Variants in SLC13A4 observed in about 807,000 individuals in gnomAD.
SLC13A4 encodes Na(+)/sulfate cotransporter SUT-1.
SLC13A4 carries 28 observed loss-of-function variants against 72.7 expected under a neutral mutation model. The ratio of observed to expected loss-of-function variants is 0.39; its 90% CI spans 0.29 to 0.53. The LOEUF is 0.53. Ranked by LOEUF, SLC13A4 falls within the 20% of genes least tolerant of loss-of-function variation. The pLI is 0.78. For synonymous variants in SLC13A4, 312 were observed against 325.5 expected (o/e 0.96, Z 0.45); for missense variants, 653 against 788.0 (o/e 0.83, Z 2.05).
rs368015428 is a variant in SLC13A4, at chr7:135,702,825, G to C, written c.633+20C>G. 4 of 1,611,050 alleles carry C rather than the reference G, an allele frequency of 2.5e-6. No homozygotes were observed. The African/African-American group carries it at 4.0e-5, about 16-fold the overall frequency. ...GATTTTCAAGTGATTCCAAAGCACA[G>C]AAAAACCCCAAGGCCATACCTCGTT... On this transcript the variant is annotated intron_variant, in intron 6 of 15. Coordinates refer to ENST00000682651, the MANE Select transcript of SLC13A4 (RefSeq NM_001318192.2).
At chr7:135,724,793 T>G (rs1347974129) in intron 1 of SLC13A4, among the ~76,000 whole-genome samples, 1 of 152,208 alleles carries the variant, frequency 6.6e-6, no homozygotes, top group Non-Finnish European at 1.5e-5. Flanking sequence ...CCATACAGTT[T>G]CCACTTATTT....
At chr7:135,689,193 T>TA (rs941798968) in intron 13 of SLC13A4, among the ~76,000 whole-genome samples, 27 of 147,112 alleles carry the variant, frequency 1.8e-4, no homozygotes, top group Admixed American at 4.7e-4. Context: ...CAATTTTGGT[T>TA]AAAAAAAAAA....
Position 135,681,529 on chromosome 7 carries a change from G to T in SLC13A4, c.*34C>A, listed in dbSNP as rs974211155. ...GTCCAGATACTGCTGGATACTGGCA[G>T]CTCCTGTGGTTGGGCCAGTTTGTAC... On this transcript the variant is annotated 3_prime_UTR_variant, in exon 16 of 16. Transcript: ENST00000682651. 2 of 1,601,600 alleles carry T rather than the reference G, an allele frequency of 1.2e-6. No individual in the cohort carries two copies. Among genetic ancestry groups the T allele is most frequent in the Non-Finnish European group, 1.7e-6 (2 of 1,172,432 alleles).
At position 135,685,713 on chromosome 7, in the gene SLC13A4, AAGG is replaced by A. The variant is rs541714009; in HGVS notation, c.1447-33_1447-31del. The A allele has an allele frequency of 2.5e-3, 3,904 of 1,586,536 alleles. 12 individuals carry two copies. Among genetic ancestry groups the A allele is most frequent in the Middle Eastern group, 0.018 (108 of 5,962 alleles). ...AGGAAGAGGTGTTACAGTAAGAAGA[AAGG>A]AGAAGAAGCACATCCCAGCTAGAGA... On this transcript the variant is annotated intron_variant, in intron 13 of 15. Transcript: ENST00000682651.
chr7:135,721,376 G>C lies in SLC13A4; in HGVS notation c.228+19C>G, dbSNP rs1699442021. 1 of 1,613,102 alleles carries C rather than the reference G, an allele frequency of 6.2e-7. No individual in the cohort carries two copies. The highest frequency in any genetic ancestry group is 1.3e-5 in the African/African-American group (1 of 74,890). ...CCTGCAGGGACCCAGGCAGGGGGTGGGGCTACAAGTAGTCTAACCTCATTG... is the reference window on the plus strand; with the variant it reads ...CCTGCAGGGACCCAGGCAGGGGGTGCGGCTACAAGTAGTCTAACCTCATTG... On this transcript the variant is annotated intron_variant, in intron 2 of 15. Transcript: ENST00000682651.
intron 13 of SLC13A4, among the ~76,000 whole-genome samples, chr7:135,690,543 C>G (rs553244069): frequency 6.6e-6 from 1 of 152,294 alleles, no homozygotes; most frequent in South Asian, 2.1e-4. Flanking sequence ...TACCTATTAC[C>G]TATGTCTATC....
intron 13 of SLC13A4, among the ~76,000 whole-genome samples, chr7:135,689,779 G>T (rs73452500): frequency 0.014 from 2,116 of 152,194 alleles, 50 homozygotes; most frequent in African/African-American, 0.048. Flanking sequence ...CCATGGAGGG[G>T]AATCTCACCA....
intron 13 of SLC13A4, among the ~76,000 whole-genome samples, chr7:135,685,924 A>T (rs1032346540): frequency 6.6e-6 from 1 of 152,182 alleles, no homozygotes; most frequent in African/African-American, 2.4e-5. Flanking sequence ...GGACATGGAG[A>T]GCCACCCTAA....
intron 15 of SLC13A4, chr7:135,683,783 C>T (rs1322937301): frequency 1.0e-6 from 1 of 985,250 alleles, no homozygotes; most frequent in Non-Finnish European, 1.2e-6. Flanking sequence ...GTAGCTTTCT[C>T]AATGAATGTC....
intron 13 of SLC13A4, among the ~76,000 whole-genome samples, chr7:135,690,717 C>CACTGAGAA (rs1381974291): frequency 3.1e-5 from 4 of 130,330 alleles, no homozygotes; most frequent in African/African-American, 8.6e-5. Context: ...TTCCTAGTAG[C>CACTGAGAA]GCTGAGAAGC....
chr7:135,702,284 G>A (rs1212628772), intron 6 of SLC13A4: 1 of 156,708 alleles, frequency 6.4e-6, no homozygotes, highest in African/African-American at 2.4e-5. Flanking sequence ...ATGAAAAGAT[G>A]TATAACCAGA....
chr7:135,716,495 G>A (rs1172249427), intron 2 of SLC13A4, among the ~76,000 whole-genome samples: 1 of 152,146 alleles, frequency 6.6e-6, no homozygotes, highest in Non-Finnish European at 1.5e-5. Context: ...TTTATTTTTA[G>A]TAGAGATGGG....
chr7:135,708,307 C>T (rs1796216032), intron 2 of SLC13A4, 57 bp from the exon 3 acceptor site: 2 of 1,606,682 alleles, frequency 1.2e-6, no homozygotes, highest in Non-Finnish European at 1.7e-6. Flanking sequence ...CAGGGCCCAG[C>T]ACCAGCTGGG....
chr7:135,687,891 ACCTCTG>A (rs773242779), intron 13 of SLC13A4, among the ~76,000 whole-genome samples: 3 of 152,020 alleles, frequency 2.0e-5, no homozygotes, highest in Admixed American at 1.3e-4. Context: ...GCTCACTGCA[ACCTCTG>A]CCTCCCGGGT....
At chr7:135,686,680 C>T (rs1398726438) in intron 13 of SLC13A4, among the ~76,000 whole-genome samples, 1 of 152,192 alleles carries the variant, frequency 6.6e-6, no homozygotes, top group East Asian at 1.9e-4. Flanking sequence ...CCTGCCAGTG[C>T]TTTTTGAAGA....
At chr7:135,683,664 G>T in intron 15 of SLC13A4, 1 of 985,430 alleles carries the variant, frequency 1.0e-6, no homozygotes, top group Non-Finnish European at 1.2e-6. Context: ...GGGGTTTCTT[G>T]CCTGGGCCGG....
chr7:135,682,683 C>A (rs940878461), intron 15 of SLC13A4, among the ~76,000 whole-genome samples: 1 of 152,226 alleles, frequency 6.6e-6, no homozygotes, highest in Non-Finnish European at 1.5e-5. Flanking sequence ...GAGCATCCAG[C>A]TGGAACCTCA....
chr7:135,721,254 AG>A, intron 2 of SLC13A4, 140 bp downstream of exon 2: 1 of 932,482 alleles, frequency 1.1e-6, no homozygotes, highest in Admixed American at 2.6e-5. Flanking sequence ...CAGGTGCCAA[AG>A]CTTAGTGTTA....
intron 10 of SLC13A4, chr7:135,692,739 C>T (rs1795819305): frequency 2.5e-5 from 6 of 244,370 alleles, no homozygotes; most frequent in Middle Eastern, 1.4e-3. Flanking sequence ...AAACACTGTG[C>T]TGGTGGGAGG....
Sources: allele counts gnomAD v4.1 joint callset (sites outside exome capture counted in the v4.1 genomes callset), GRCh38; gene constraint gnomAD v4.1.1; transcripts MANE v1.5; gene names NCBI Gene and HGNC (gene_info 2026-07-23, HGNC 2026-07-21).